Variants in GAS2L3 observed in about 807,000 individuals in gnomAD.
GAS2L3 encodes growth arrest specific 2 like 3.
GAS2L3 carries 28 observed loss-of-function variants against 37.0 expected under a neutral mutation model. The observed-to-expected ratio is 0.76, with a 90% confidence interval of 0.56 to 1.04. The LOEUF (loss-of-function observed/expected upper bound fraction) is 1.04, where lower values mean the gene tolerates loss of function less well. Ranked by LOEUF, GAS2L3 falls within the 50% of genes least tolerant of loss-of-function variation. The probability of loss-of-function intolerance (pLI) is 0.00; values close to 1 mark genes in which losing one functional copy is unlikely to be tolerated. For missense variants in GAS2L3, 793 were observed against 817.6 expected (o/e 0.97, Z 0.37); for synonymous variants, 290 against 296.6 (o/e 0.98, Z 0.23).
At position 100,624,295 on chromosome 12, in the gene GAS2L3, C is replaced by T; in HGVS notation, c.1490C>T (p.Ser497Leu). ...TTAGCTGCACATTCAAATTCATCCT[C>T]AAAATGTCCCAAGCTGCCTAAAGCA... is the stretch of plus-strand genomic sequence containing the variant. ...SHLAAHSNSS[S>L]KCPKLPKANI... is the part of the protein sequence containing the mutation. Residue 497 changes from serine to leucine, a missense_variant, in exon 10 of 10, where the codon TCA (serine) becomes TTA (leucine). Ser to Leu is a moderately radical substitution (Grantham distance 145). Transcript: ENST00000547754. 6.2e-7 allele frequency: 1 copy of T among 1,614,048 alleles called. No individual in the cohort carries two copies. Among genetic ancestry groups the T allele is most frequent in the Non-Finnish European group, 8.5e-7 (1 of 1,179,996 alleles).
chr12:100,626,642 TAAAAG>T lies in GAS2L3; in HGVS notation c.*1756_*1760del, dbSNP rs1357698450. 3.3e-5 allele frequency: 5 copies of T among 152,140 alleles called. No individual in the cohort carries two copies. The highest frequency in any genetic ancestry group is 7.4e-5 in the Non-Finnish European group (5 of 68,006). The allele number at this position is 152,140 out of a possible 1,614,324, so 9.4% of individuals were successfully genotyped here. A position where few individuals can be genotyped will look rare whatever the true frequency, so the allele number is the denominator to read the frequency against. ...TTCTTTATCAGTAACTTTTAGAACTTAAAAGAAAGCAAAAAGTAAATGGAATTGTA... is the reference window on the plus strand; with the variant it reads ...TTCTTTATCAGTAACTTTTAGAACTTAAAGCAAAAAGTAAATGGAATTGTA... On this transcript the variant is annotated 3_prime_UTR_variant, in exon 10 of 10. Transcript: ENST00000547754.
At chr12:100,617,514 A>G (rs1241396416) in intron 6 of GAS2L3, among the ~76,000 whole-genome samples, 4 of 152,194 alleles carry the variant, frequency 2.6e-5, no homozygotes, top group African/African-American at 9.6e-5. Context: ...ATGCTGTGCA[A>G]ATAAAGGTCC....
At chr12:100,616,481 A>G (rs1364553554) in intron 6 of GAS2L3, among the ~76,000 whole-genome samples, 1 of 151,496 alleles carries the variant, frequency 6.6e-6, no homozygotes, top group Admixed American at 6.6e-5. Context: ...GTCACCCAGG[A>G]CTGGAGTATA....
At chr12:100,575,917 G>A (rs1481947235) in intron 1 of GAS2L3, among the ~76,000 whole-genome samples, 2 of 152,120 alleles carry the variant, frequency 1.3e-5, no homozygotes, top group African/African-American at 4.8e-5. Flanking sequence ...TTCCTGCACT[G>A]GATTGTCAGT....
intron 7 of GAS2L3, among the ~76,000 whole-genome samples, chr12:100,618,053 A>G (rs1171326622): frequency 2.6e-5 from 4 of 152,216 alleles, no homozygotes; most frequent in African/African-American, 9.6e-5. Flanking sequence ...AATTTTTTAG[A>G]TTAAGGATAG....
At chr12:100,583,313 A>G (rs2136390225) in intron 1 of GAS2L3, among the ~76,000 whole-genome samples, 1 of 152,348 alleles carries the variant, frequency 6.6e-6, no homozygotes, top group Admixed American at 6.5e-5. Context: ...GATGTAGACA[A>G]CTTTGAGAGC....
At chr12:100,621,882 GGAGAGAGAGA>G (rs1205356059) in intron 8 of GAS2L3, among the ~76,000 whole-genome samples, 2 of 81,256 alleles carry the variant, frequency 2.5e-5, no homozygotes, top group South Asian at 6.0e-4. Context: ...GGTGGGGGGG[GGAGAGAGAGA>G]GAGAGAGAGA....
chr12:100,583,258 C>G (rs887726294), intron 1 of GAS2L3, among the ~76,000 whole-genome samples: 2 of 152,190 alleles, frequency 1.3e-5, no homozygotes, highest in African/African-American at 4.8e-5. Flanking sequence ...CTGAAAGGTC[C>G]CATTTGCTTT....
intron 1 of GAS2L3, among the ~76,000 whole-genome samples, chr12:100,583,104 A>C (rs1352803982): frequency 6.6e-6 from 1 of 152,220 alleles, no homozygotes; most frequent in Non-Finnish European, 1.5e-5. Flanking sequence ...CCATAGAGTA[A>C]AGCAAAAGAA....
chr12:100,613,598 C>CCTTTTT, intron 6 of GAS2L3, among the ~76,000 whole-genome samples: 1 of 141,128 alleles, frequency 7.1e-6, no homozygotes, highest in Admixed American at 7.1e-5. Flanking sequence ...CCATTTCTTT[C>CCTTTTT]TTTTTTTTTT....
chr12:100,579,274 C>T, intron 1 of GAS2L3: 1 of 612,462 alleles, frequency 1.6e-6, no homozygotes, highest in Non-Finnish European at 3.0e-6. Flanking sequence ...CTCTTTGTGA[C>T]ACAAGCCGTA....
chr12:100,583,491 A>C (rs1955739458), intron 1 of GAS2L3, among the ~76,000 whole-genome samples: 2 of 151,940 alleles, frequency 1.3e-5, no homozygotes, highest in Non-Finnish European at 2.9e-5. Context: ...AACCTTAGTC[A>C]TTTCTTTCTT....
At chr12:100,619,088 TTG>T (rs1325780714) in intron 8 of GAS2L3, among the ~76,000 whole-genome samples, 2 of 151,870 alleles carry the variant, frequency 1.3e-5, no homozygotes, top group African/African-American at 2.4e-5. Context: ...TAGTGAGTGT[TTG>T]TGTGTGAGAG....
intron 1 of GAS2L3, chr12:100,579,362 C>T (rs772541585): frequency 1.9e-4 from 144 of 745,644 alleles, no homozygotes; most frequent in Non-Finnish European, 2.8e-4. Context: ...GTCTGTCATT[C>T]CTAACGCTGT....
intron 3 of GAS2L3, among the ~76,000 whole-genome samples, chr12:100,597,080 T>C (rs1313063268): frequency 2.0e-5 from 3 of 152,080 alleles, no homozygotes; most frequent in South Asian, 2.1e-4. Context: ...TTCTCTCTAA[T>C]GTGACAAGAA....
Position 100,626,971 on chromosome 12 carries a change from C to G in GAS2L3, c.*2081C>G, listed in dbSNP as rs547969350. On this transcript the variant is annotated 3_prime_UTR_variant, in exon 10 of 10. Transcript: ENST00000547754. The stretch of plus-strand genomic sequence containing the variant: ...GGGCATGGTGGCACATGCCTATAAT[C>G]TCAGCTACTCAGGAGGCTGAGGCAG... The G allele has an allele frequency of 3.3e-5, 5 of 151,944 alleles. No homozygotes were observed. Among genetic ancestry groups the G allele is most frequent in the Non-Finnish European group, 7.4e-5 (5 of 68,002 alleles). 9.4% of individuals were successfully genotyped at this position (151,944 alleles called of 1,614,324 possible).
chr12:100,595,337 A>G (rs182509161), intron 3 of GAS2L3, among the ~76,000 whole-genome samples: 1 of 151,650 alleles, frequency 6.6e-6, no homozygotes, highest in East Asian at 1.9e-4. Context: ...AATTTCAGAT[A>G]GTTGTTCATG....
rs1003063993 is a variant in GAS2L3 at position 100,626,502 on chromosome 12, C to G, written c.*1612C>G. The stretch of plus-strand genomic sequence containing the variant: ...TATATACATCTTTGGAAAGTGAAGT[C>G]AATGTTCAAGAGGTGATAGAAGCTT... On this transcript the variant is annotated 3_prime_UTR_variant, in exon 10 of 10. Transcript: ENST00000547754. The G allele has an allele frequency of 4.6e-5, 7 of 152,090 alleles. No homozygotes were observed. Among genetic ancestry groups the G allele is most frequent in the Non-Finnish European group, 8.8e-5 (6 of 68,014 alleles). 9.4% of individuals were successfully genotyped at this position (152,090 alleles called of 1,614,324 possible). A position where few individuals can be genotyped will look rare whatever the true frequency, so the allele number is the denominator to read the frequency against.
Position 100,628,240 on chromosome 12 carries a change from A to G in GAS2L3, c.*3350A>G, listed in dbSNP as rs1156747067. The G allele has an allele frequency of 1.3e-5, 2 of 152,192 alleles. No homozygotes were observed. The highest frequency in any genetic ancestry group is 6.5e-5 in the Admixed American group (1 of 15,284). 9.4% of individuals were successfully genotyped at this position (152,192 alleles called of 1,614,324 possible). On this transcript the variant is annotated 3_prime_UTR_variant, in exon 10 of 10. Coordinates refer to ENST00000547754, the MANE Select transcript of GAS2L3 (RefSeq NM_174942.3). ...CTTATGCCAGCAGTATTTGTATCCA[A>G]TTTTAACTTAGGTTTGTTTTCTTGA... is the stretch of plus-strand genomic sequence containing the variant.
Sources: gnomAD v4.1 joint callset for allele counts (sites outside exome capture counted in the v4.1 genomes callset) on GRCh38, gnomAD v4.1.1 for gene constraint, MANE v1.5 for transcripts, NCBI Gene and HGNC (gene_info 2026-07-23, HGNC 2026-07-21) for gene names.